Variants in PIR observed in about 807,000 individuals in gnomAD.
PIR encodes the protein pirin (iron-binding nuclear protein).
PIR carries 22 observed loss-of-function variants against 24.2 expected under a neutral mutation model. The observed-to-expected ratio is 0.91, with a 90% CI of 0.65 to 1.30. The LOEUF (loss-of-function observed/expected upper bound fraction) is 1.30. Among genes scored for constraint, PIR ranks in the 50% most tolerant of loss-of-function variants. The pLI is 0.00. For missense variants in PIR, 220 were observed against 220.3 expected (o/e 1.00, Z 0.01); for synonymous variants, 80 against 79.6 (o/e 1.00, Z -0.03).
intron 2 of PIR, among the ~76,000 whole-genome samples, chrX:15,490,077 A>G (rs1462230956): frequency 8.9e-6 from 1 of 111,828 alleles, no homozygotes; most frequent in African/African-American, 3.3e-5. Context: ...CTCATCACAA[A>G]AAAATAAGTA....
intron 6 of PIR, among the ~76,000 whole-genome samples, chrX:15,418,690 T>A (rs1292391038): frequency 8.9e-6 from 1 of 111,866 alleles, no homozygotes; most frequent in Non-Finnish European, 1.9e-5. Flanking sequence ...AATAAAGAGA[T>A]GGTAAAAATC....
At chrX:15,466,535 G>C (rs915711758) in intron 3 of PIR, among the ~76,000 whole-genome samples, 26 of 112,102 alleles carry the variant, frequency 2.3e-4, no homozygotes, top group African/African-American at 8.1e-4. Flanking sequence ...CATTTACCAG[G>C]TTTGGTATGC....
Position 15,480,175 on chromosome X carries a change from C to CTTT in PIR, c.97-357_97-355dup, listed in dbSNP as rs55669215. ...AAATGGGAGTTTCTCGGCACAAACTCTTTTTTTTTGCCTGCTGCCATCCAT... is the reference window on the plus strand; with the variant it reads ...AAATGGGAGTTTCTCGGCACAAACTCTTTTTTTTTTTTGCCTGCTGCCATCCAT... On this transcript the variant is annotated intron_variant, in intron 2 of 9. Transcript: ENST00000380420. 3.8e-3 allele frequency among the ~76,000 whole-genome samples: 398 copies of CTTT among 104,544 alleles called. 1 individual carries two copies. Among genetic ancestry groups the CTTT allele is most frequent in the East Asian group, 0.02 (66 of 3,316 alleles). 90.8% of individuals were successfully genotyped at this position (104,544 alleles called of 115,157 possible). A position where few individuals can be genotyped will look rare whatever the true frequency, so the allele number is the denominator to read the frequency against.
chrX:15,409,217 G>A (rs1054342229), intron 6 of PIR, among the ~76,000 whole-genome samples: 1 of 103,539 alleles, frequency 9.7e-6, no homozygotes, highest in Non-Finnish European at 1.9e-5. Context: ...TCCCGCCTCA[G>A]CCTCCCGAGT....
At chrX:15,419,341 G>A (rs1420935410) in intron 6 of PIR, among the ~76,000 whole-genome samples, 13 of 74,487 alleles carry the variant, frequency 1.7e-4, no homozygotes, top group African/African-American at 6.2e-4. Context: ...GCATGGATAA[G>A]TCTGTGTGTG....
At chrX:15,461,660 G>A (rs1160101493) in intron 3 of PIR, among the ~76,000 whole-genome samples, 1 of 111,367 alleles carries the variant, frequency 9.0e-6, no homozygotes, top group Non-Finnish European at 1.9e-5. Flanking sequence ...GCAGGCGCCT[G>A]TAATCCCAGC....
chrX:15,386,966 T>C (rs1393111300), intron 9 of PIR, among the ~76,000 whole-genome samples: 1 of 109,318 alleles, frequency 9.1e-6, no homozygotes, highest in Non-Finnish European at 1.9e-5. Context: ...GGAGGCTGAG[T>C]CAATGGTGGA....
intron 5 of PIR, among the ~76,000 whole-genome samples, chrX:15,450,505 G>A (rs1926247517): frequency 9.0e-6 from 1 of 110,605 alleles, no homozygotes; most frequent in Non-Finnish European, 1.9e-5. Context: ...TCAAAATATT[G>A]TTCTCCTGAG....
chrX:15,470,994 A>T (rs1174467866), intron 3 of PIR, among the ~76,000 whole-genome samples: 2 of 109,588 alleles, frequency 1.8e-5, no homozygotes, highest in African/African-American at 3.3e-5. Flanking sequence ...TTTGTTTGTA[A>T]TTGCAATGTG....
At chrX:15,435,644 C>T (rs186088317) in intron 5 of PIR, among the ~76,000 whole-genome samples, 284 of 111,739 alleles carry the variant, frequency 2.5e-3, no homozygotes, top group African/African-American at 7.8e-3. Context: ...TTCCCACTCT[C>T]GTGATCTGTT....
At chrX:15,489,916 G>C (rs1463359824) in intron 2 of PIR, among the ~76,000 whole-genome samples, 2 of 112,058 alleles carry the variant, frequency 1.8e-5, no homozygotes, top group Non-Finnish European at 3.8e-5. Context: ...ACCCCGGCTA[G>C]GGGATGGGAG....
At chrX:15,434,424 G>A (rs1925678963) in intron 5 of PIR, among the ~76,000 whole-genome samples, 1 of 109,947 alleles carries the variant, frequency 9.1e-6, no homozygotes, top group Non-Finnish European at 1.9e-5. Context: ...GGAGGAGGAA[G>A]GAGGAGGAGG....
chrX:15,472,517 T>C lies in PIR; in HGVS notation c.189+7212A>G, dbSNP rs28519977. Among the ~76,000 whole-genome samples the C allele has an allele frequency of 7.7e-3, 869 of 112,438 alleles. 8 individuals carry two copies. Among genetic ancestry groups the C allele is most frequent in the African/African-American group, 0.025 (774 of 30,933 alleles). ...CAGGCATATAAAGAAATATATATGC[T>C]ACAAACTGAATGAACCTTGAAAACA... On this transcript the variant is annotated intron_variant, in intron 3 of 9. Transcript: ENST00000380420.
chrX:15,419,495 A>T (rs1379447694), intron 6 of PIR, among the ~76,000 whole-genome samples: 2 of 110,463 alleles, frequency 1.8e-5, no homozygotes, highest in African/African-American at 6.6e-5. Flanking sequence ...AAAAGAAAGG[A>T]TCTTTTGCTT....
intron 8 of PIR, among the ~76,000 whole-genome samples, chrX:15,396,210 T>C (rs947897505): frequency 2.7e-5 from 3 of 112,185 alleles, no homozygotes; most frequent in African/African-American, 9.7e-5. Flanking sequence ...CAGTTTCATA[T>C]GGCTCAGTCT....
At chrX:15,397,251 A>C (rs1324130787) in intron 8 of PIR, among the ~76,000 whole-genome samples, 198 bp downstream of exon 8, 3 of 112,491 alleles carry the variant, frequency 2.7e-5, no homozygotes, top group African/African-American at 9.7e-5. Flanking sequence ...TCTGAAGATA[A>C]AGAATCAATA....
intron 8 of PIR, 69 bp downstream of exon 8, chrX:15,397,380 T>C: frequency 1.4e-6 from 1 of 724,773 alleles, no homozygotes; most frequent in Non-Finnish European, 2.2e-6. Context: ...ATCCACAACA[T>C]TTAGGCATTT....
chrX:15,478,424 T>C (rs1477292924), intron 3 of PIR: 1 of 112,155 alleles, frequency 8.9e-6, no homozygotes, highest in African/African-American at 3.2e-5. Context: ...AGTGGAGCTA[T>C]GGGATGGAGC....
intron 3 of PIR, among the ~76,000 whole-genome samples, chrX:15,477,618 C>T (rs1400836736): frequency 1.8e-5 from 2 of 111,948 alleles, no homozygotes; most frequent in African/African-American, 6.5e-5. Flanking sequence ...GAACACTAGA[C>T]AGCATTAGTG....
Sources: gnomAD v4.1 joint callset for allele counts (sites outside exome capture counted in the v4.1 genomes callset) on GRCh38, gnomAD v4.1.1 for gene constraint, MANE v1.5 for transcripts, NCBI Gene and HGNC (gene_info 2026-07-23, HGNC 2026-07-21) for gene names.